Variants in COX7A2L observed in about 807,000 individuals in gnomAD.
COX7A2L encodes cytochrome c oxidase subunit 7A2 like.
In COX7A2L, 18 loss-of-function variants were observed where a neutral mutation model predicts 14.2. The ratio of observed to expected loss-of-function variants is 1.27; its 90% CI spans 0.88 to 1.88. The LOEUF (loss-of-function observed/expected upper bound fraction) is 1.88. Among genes scored for constraint, COX7A2L ranks in the 40% most tolerant of loss-of-function variants. The pLI is 0.00. For synonymous variants in COX7A2L, 65 were observed against 57.4 expected (o/e 1.13, Z -0.60); for missense variants, 179 against 138.8 (o/e 1.29, Z -1.46).
chr2:42,355,364 A>T (rs551135777), intron 1 of COX7A2L, among the ~76,000 whole-genome samples: 1 of 152,232 alleles, frequency 6.6e-6, no homozygotes, highest in African/African-American at 2.4e-5. Flanking sequence ...TGAATGCAAA[A>T]ATGTAAAAAC....
chr2:42,339,464 G>GGC lies in COX7A2L; in HGVS notation c.193-5597_193-5596dup, dbSNP rs1670354455. Among the ~76,000 whole-genome samples the GGC allele has an allele frequency of 6.6e-6, 1 of 152,142 alleles. No individual in the cohort carries two copies. The highest frequency in any genetic ancestry group is 1.5e-5 in the Non-Finnish European group (1 of 68,022). ...GCGTTACTCCTGCCTCTACAGAGCT[G>GGC]GCGCGGTGGCTTGAGCTCCAGGCAT... On this transcript the variant is annotated intron_variant, in intron 2 of 2. Coordinates refer to the COX7A2L transcript ENST00000468711. This position sits in a 1 kb window ranked among gnomAD's most constrained non-coding sequence, Gnocchi z 5.4.
At chr2:42,344,120 A>G (rs1025515656) in intron 2 of COX7A2L, among the ~76,000 whole-genome samples, 33 of 152,346 alleles carry the variant, frequency 2.2e-4, no homozygotes, top group African/African-American at 7.9e-4. Flanking sequence ...ATCTAAGCTT[A>G]ATACGTAAAA....
At chr2:42,353,489 T>C (rs1670715971) in intron 1 of COX7A2L, 146 bp from the exon 2 acceptor site, 3 of 1,069,324 alleles carry the variant, frequency 2.8e-6, no homozygotes, top group Admixed American at 2.8e-5. Flanking sequence ...CCCTTGCCAT[T>C]ACGATTGCAG....
chr2:42,366,578 A>G (rs762711947), intron 1 of COX7A2L, among the ~76,000 whole-genome samples: 2 of 152,250 alleles, frequency 1.3e-5, no homozygotes, highest in Admixed American at 6.5e-5. Flanking sequence ...GCAAAGATTA[A>G]ATAAGATGGT....
chr2:42,345,315 G>A (rs957990018), downstream of COX7A2L, among the ~76,000 whole-genome samples: 4 of 152,082 alleles, frequency 2.6e-5, no homozygotes, highest in African/African-American at 4.8e-5. Flanking sequence ...CCCGGGAGGC[G>A]GAGGTTGCAG....
upstream of COX7A2L, among the ~76,000 whole-genome samples, chr2:42,365,222 G>A (rs775259847): frequency 2.6e-5 from 4 of 152,176 alleles, no homozygotes; most frequent in African/African-American, 4.8e-5. Context: ...GGGGACGGGT[G>A]GTGGTTTCTC....
At chr2:42,363,321 A>T (rs1255875245), upstream of COX7A2L, among the ~76,000 whole-genome samples, 1 of 152,246 alleles carries the variant, frequency 6.6e-6, no homozygotes, top group Non-Finnish European at 1.5e-5. Flanking sequence ...AAAGCCTTTC[A>T]TAGAGTTTAG....
rs1553401496 is a variant in COX7A2L, at chr2:42,351,378, C to G, written c.205-19G>C. Reference sequence around the variant, plus strand: ...CAGCTTTCTTGAAAGCAAGAATTAACAAGGGCATGGTTGAGAAGAAAAATA... The same window carrying G: ...CAGCTTTCTTGAAAGCAAGAATTAAGAAGGGCATGGTTGAGAAGAAAAATA... On this transcript the variant is annotated intron_variant, in intron 2 of 2. Transcript: ENST00000234301. 5 of 1,612,048 alleles carry G rather than the reference C, an allele frequency of 3.1e-6. No individual in the cohort carries two copies. The highest frequency in any genetic ancestry group is 4.5e-5 in the East Asian group (2 of 44,870).
At chr2:42,340,514 A>C (rs1483365265) in intron 2 of COX7A2L, among the ~76,000 whole-genome samples, 1 of 152,162 alleles carries the variant, frequency 6.6e-6, no homozygotes, top group Non-Finnish European at 1.5e-5. Flanking sequence ...CTCACCAGCC[A>C]GAGTCCAGCT....
intron 2 of COX7A2L, among the ~76,000 whole-genome samples, chr2:42,340,926 G>C (rs902612123): frequency 6.6e-6 from 1 of 152,170 alleles, no homozygotes; most frequent in Non-Finnish European, 1.5e-5. Flanking sequence ...GGGGCAAATG[G>C]TCGGCACCTC....
At position 42,351,286 on chromosome 2, in the gene COX7A2L, A is replaced by G. The variant is rs1174274950; in HGVS notation, c.278T>C (p.Leu93Pro). 2 of 1,614,210 alleles carry G rather than the reference A, an allele frequency of 1.2e-6. No individual in the cohort carries two copies. The highest frequency in any genetic ancestry group is 2.2e-5 in the East Asian group (1 of 44,880). ...GCAGTAGATGGTCCCTCCCACAGTC[A>G]GCGCCATGGTGGTCCGGTAAAGCAT... Reference protein sequence around the residue: ...DQMLYRTTMALTVGGTIYCLI... With the variant: ...DQMLYRTTMAPTVGGTIYCLI... Residue 93 changes from leucine to proline, a missense_variant, in exon 3 of 3, where the codon CTG (leucine) becomes CCG (proline). Transcript: ENST00000234301.
At chr2:42,353,804 T>C (rs1670727638) in intron 1 of COX7A2L, among the ~76,000 whole-genome samples, 1 of 152,186 alleles carries the variant, frequency 6.6e-6, no homozygotes, top group African/African-American at 2.4e-5. Flanking sequence ...AATACTTGCC[T>C]TCCAGGACCA....
intron 1 of COX7A2L, among the ~76,000 whole-genome samples, chr2:42,358,322 C>A (rs1182415288): frequency 6.6e-6 from 1 of 152,180 alleles, no homozygotes; most frequent in East Asian, 1.9e-4. Context: ...GCCTTTCAAC[C>A]AATGGAAAAT....
Position 42,342,146 on chromosome 2 carries a change from G to A in COX7A2L, c.193-8277C>T, listed in dbSNP as rs1285478690. Among the ~76,000 whole-genome samples, 3 of 152,084 alleles carry A rather than the reference G, an allele frequency of 2.0e-5. No individual in the cohort carries two copies. Among genetic ancestry groups the A allele is most frequent in the African/African-American group, 7.2e-5 (3 of 41,402 alleles). ...GCCAGGTCTTCCTATGAGAGGCTGAGCTGAGCAACCACGCTGCCTCCATGC... is the reference window on the plus strand; with the variant it reads ...GCCAGGTCTTCCTATGAGAGGCTGAACTGAGCAACCACGCTGCCTCCATGC... On this transcript the variant is annotated intron_variant, in intron 2 of 2. Coordinates refer to the COX7A2L transcript ENST00000468711. This position sits in a 1 kb window ranked among gnomAD's most constrained non-coding sequence, Gnocchi z 4.9.
intron 2 of COX7A2L, 87 bp from the exon 3 acceptor site, chr2:42,351,446 G>A (rs916171473): frequency 1.9e-5 from 28 of 1,466,992 alleles, no homozygotes; most frequent in African/African-American, 1.7e-4. Context: ...TTGTCTACTC[G>A]GTAAGTAATT....
chr2:42,367,835 G>A (rs1167598522), intron 1 of COX7A2L, among the ~76,000 whole-genome samples: 3 of 152,178 alleles, frequency 2.0e-5, no homozygotes, highest in African/African-American at 4.8e-5. Context: ...GATTGCTGGC[G>A]TTTCATTGTA....
At chr2:42,337,955 G>A (rs868803533) in intron 2 of COX7A2L, among the ~76,000 whole-genome samples, 2 of 152,180 alleles carry the variant, frequency 1.3e-5, no homozygotes, top group African/African-American at 2.4e-5. Context: ...GCTACCATGG[G>A]TCCCTGTGGG....
rs764842230 is a variant in COX7A2L at position 42,361,095 on chromosome 2, G to C, written c.67C>G (p.Pro23Ala). ...AGAWASEAYS[P>A]QGLKPVVSTE... ...TGGCCAGGCGCCACTCGTACCTGCG[G>C]GCTATAGGCCTCCGAAGCCCATGCT... Residue 23 changes from proline (P) to alanine (A), a missense_variant, in exon 1 of 3, where the codon CCG becomes GCG. By Grantham distance (27) the Pro-to-Ala change is conservative (BLOSUM62 -1). Transcript: ENST00000234301. 13 of 1,613,674 alleles carry C rather than the reference G, an allele frequency of 8.1e-6. No individual in the cohort carries two copies. Among genetic ancestry groups the C allele is most frequent in the African/African-American group, 1.3e-5 (1 of 75,040 alleles).
At chr2:42,357,743 T>C (rs995071891) in intron 1 of COX7A2L, among the ~76,000 whole-genome samples, 1 of 152,158 alleles carries the variant, frequency 6.6e-6, no homozygotes, top group African/African-American at 2.4e-5. Flanking sequence ...AAAGCACCAA[T>C]TCACCAATCA....
Sources: allele counts gnomAD v4.1 joint callset (sites outside exome capture counted in the v4.1 genomes callset), GRCh38; gene constraint gnomAD v4.1.1; non-coding constraint Gnocchi (gnomAD v3.1); transcripts MANE v1.5; gene names NCBI Gene and HGNC (gene_info 2026-07-23, HGNC 2026-07-21).